SEC14L1: variants seen among roughly 807,000 people sequenced by gnomAD.
SEC14L1 encodes SEC14 like lipid binding 1.
SEC14L1 carries 48 observed loss-of-function variants against 85.3 expected under a neutral mutation model. That is an observed-to-expected ratio of 0.56 (90% CI 0.45 to 0.72). The LOEUF (loss-of-function observed/expected upper bound fraction) is 0.72. SEC14L1 is among the 30% of genes least tolerant of loss of function. The probability of loss-of-function intolerance (pLI) is 0.00; values close to 1 mark genes in which losing one functional copy is unlikely to be tolerated. For missense variants in SEC14L1, 682 were observed against 921.4 expected, an observed-to-expected ratio of 0.74 and a Z score of 3.36; for synonymous variants, 391 against 355.5, an observed-to-expected ratio of 1.10 and a Z score of -1.12.
chr17:77,091,475 C>G (rs1433904818), intron 2 of SEC14L1, among the ~76,000 whole-genome samples: 1 of 152,188 alleles, frequency 6.6e-6, no homozygotes, highest in Non-Finnish European at 1.5e-5. Context: ...GATGTGCTGT[C>G]CAGCAGCACT....
Position 77,213,255 on chromosome 17 carries a change from TGGTAGGCCAGG to T in SEC14L1, c.1864-55_1864-45del. ...GTCCCCTTGGCGCTTGTCAGGCCTG[TGGTAGGCCAGG>T]GGTCGGAAGCGAGTCGCCCTCAGCT... On this transcript the variant is annotated intron_variant, in intron 15 of 16. Coordinates refer to ENST00000436233, the MANE Select transcript of SEC14L1 (RefSeq NM_001143998.2). The surrounding 1 kb of genome is among the most constrained non-coding windows in gnomAD (Gnocchi z 7.1). 6.9e-7 allele frequency: 1 copy of T among 1,457,986 alleles called. No homozygotes were observed. The highest frequency in any genetic ancestry group is 9.3e-7 in the Non-Finnish European group (1 of 1,071,000). The allele number at this position is 1,457,986 out of a possible 1,614,324, so 90.3% of individuals were successfully genotyped here. A position where few individuals can be genotyped will look rare whatever the true frequency, so the allele number is the denominator to read the frequency against.
upstream of SEC14L1, among the ~76,000 whole-genome samples, chr17:77,139,654 C>T (rs1320455098): frequency 1.3e-5 from 2 of 151,974 alleles, no homozygotes; most frequent in Admixed American, 6.6e-5. Context: ...CCCGCCACCA[C>T]GCCCGGCTAA....
chr17:77,186,138 CG>C (rs1975255468), intron 3 of SEC14L1, among the ~76,000 whole-genome samples: 2 of 152,154 alleles, frequency 1.3e-5, no homozygotes, highest in Admixed American at 1.3e-4. Context: ...GCCACCTGTT[CG>C]TGCTCCCTCC....
chr17:77,197,881 C>T (rs62078338), intron 8 of SEC14L1, among the ~76,000 whole-genome samples: 24,454 of 152,296 alleles, frequency 0.16, 2,381 homozygotes, highest in Middle Eastern at 0.22. Flanking sequence ...GCTGGGATTA[C>T]AGGCGTGAGC....
Position 77,206,129 on chromosome 17 carries a change from A to T in SEC14L1, c.1170-100A>T. ...AATTTAAAAAAATTGATTATGATGT[A>T]TTTGGAAATAGCTATAAATGACCAA... On this transcript the variant is annotated intron_variant, in intron 11 of 16. Transcript: ENST00000436233. This position sits in a 1 kb window ranked among gnomAD's most constrained non-coding sequence, Gnocchi z 4.3. 1 of 1,171,712 alleles carries T rather than the reference A, an allele frequency of 8.5e-7. No individual in the cohort carries two copies. 72.6% of individuals were successfully genotyped at this position (1,171,712 alleles called of 1,614,324 possible).
chr17:77,171,547 T>G (rs1974523630), intron 3 of SEC14L1, among the ~76,000 whole-genome samples: 1 of 152,222 alleles, frequency 6.6e-6, no homozygotes, highest in South Asian at 2.1e-4. Flanking sequence ...AACTATAGAT[T>G]TTCTAATACT....
At chr17:77,151,759 T>A (rs931346162) in intron 3 of SEC14L1, among the ~76,000 whole-genome samples, 1 of 152,164 alleles carries the variant, frequency 6.6e-6, no homozygotes, top group Non-Finnish European at 1.5e-5. Flanking sequence ...TCCCAGCACT[T>A]TGGGAGGCCA....
chr17:77,134,560 C>A (rs1339427780), intron 3 of SEC14L1, among the ~76,000 whole-genome samples: 1 of 151,882 alleles, frequency 6.6e-6, no homozygotes, highest in Non-Finnish European at 1.5e-5. Context: ...CTACTTAAAA[C>A]AAACAAACAA....
intron 3 of SEC14L1, among the ~76,000 whole-genome samples, chr17:77,124,954 CATAAGA>C (rs1280078132): frequency 6.7e-6 from 1 of 150,244 alleles, no homozygotes; most frequent in African/African-American, 2.4e-5. Context: ...GCTGCTAGAA[CATAAGA>C]ATAAGTGGAT....
In SEC14L1 at chr17:77,158,480, A is replaced by G. The variant is rs560357094; in HGVS notation, c.63+14821A>G. Among the ~76,000 whole-genome samples the G allele has an allele frequency of 2.3e-4, 35 of 152,070 alleles. No homozygotes were observed. The South Asian group carries it at 3.5e-3, about 15-fold the overall frequency. On this transcript the variant is annotated intron_variant, in intron 3 of 16. Transcript: ENST00000436233. ...GTAACTGGGTTTTTTCACTTAGCCT[A>G]ATGTCTTCAAGGTTCACCCATGTTG...
chr17:77,092,178 C>A (rs927959607), intron 2 of SEC14L1, among the ~76,000 whole-genome samples: 2 of 152,296 alleles, frequency 1.3e-5, no homozygotes, highest in East Asian at 1.9e-4. Flanking sequence ...CAGCGTCTTC[C>A]TTCTGTCTTT....
chr17:77,170,853 G>A (rs1750038794), intron 3 of SEC14L1, among the ~76,000 whole-genome samples: 1 of 152,142 alleles, frequency 6.6e-6, no homozygotes, highest in Admixed American at 6.5e-5. Flanking sequence ...GCAGTGAATT[G>A]GGTTCTATTG....
At chr17:77,122,864 G>T (rs558595498) in intron 3 of SEC14L1, among the ~76,000 whole-genome samples, 1 of 152,236 alleles carries the variant, frequency 6.6e-6, no homozygotes, top group South Asian at 2.1e-4. Context: ...TCCATCACAG[G>T]TTGCATCCCC....
intron 5 of SEC14L1, among the ~76,000 whole-genome samples, chr17:77,192,334 T>C (rs934322815): frequency 3.9e-5 from 6 of 152,220 alleles, no homozygotes; most frequent in African/African-American, 1.4e-4. Context: ...TAACACTGAA[T>C]TCAAAGTGAT....
At chr17:77,144,431 C>T (rs991160376) in intron 3 of SEC14L1, among the ~76,000 whole-genome samples, 9 of 152,154 alleles carry the variant, frequency 5.9e-5, no homozygotes, top group African/African-American at 2.2e-4. Flanking sequence ...ACTGTTTTGA[C>T]TCCTAATACA....
At chr17:77,147,268 G>GT (rs1567893451) in intron 3 of SEC14L1, among the ~76,000 whole-genome samples, 1 of 152,018 alleles carries the variant, frequency 6.6e-6, no homozygotes, top group Non-Finnish European at 1.5e-5. Context: ...AATTGTTCAG[G>GT]TAAAAAGTGC....
chr17:77,212,106 A>G lies in SEC14L1; in HGVS notation c.1768A>G (p.Asn590Asp), dbSNP rs143077359. The change falls in exon 15 of 17, where the codon AAC (asparagine) becomes GAC (aspartate). Residue 590 changes from asparagine (N) to aspartate (D), a missense_variant. Around this residue, in one of 3 missense-constraint regions of SEC14L1, gnomAD observed 420 missense variants for 619.5 expected, o/e 0.68. Coordinates refer to ENST00000436233, the MANE Select transcript of SEC14L1 (RefSeq NM_001143998.2). The stretch of plus-strand genomic sequence containing the variant: ...CCACAGCATCACCTCTCCGGGTGGG[A>G]ACAATGTGCAGCTCATAGACAAAGT... ...GAHSITSPGG[N>D]NVQLIDKVWQ... 3.7e-6 allele frequency: 6 copies of G among 1,614,062 alleles called. No individual in the cohort carries two copies. The highest frequency in any genetic ancestry group is 5.1e-6 in the Non-Finnish European group (6 of 1,180,044).
At chr17:77,119,592 C>T (rs949936932) in intron 3 of SEC14L1, among the ~76,000 whole-genome samples, 7 of 152,140 alleles carry the variant, frequency 4.6e-5, no homozygotes, top group African/African-American at 1.4e-4. Flanking sequence ...TATCCACCTA[C>T]AGGATCAAAG....
chr17:77,094,246 G>A (rs1971586135), intron 3 of SEC14L1: 1 of 152,088 alleles, frequency 6.6e-6, no homozygotes, highest in Admixed American at 6.6e-5. Context: ...TCGAACTCCT[G>A]ACCTCAGGTG....
Sources: gnomAD v4.1 joint callset for allele counts (sites outside exome capture counted in the v4.1 genomes callset) on GRCh38, gnomAD v4.1.1 for gene constraint, gnomAD v4.1.1 regional missense constraint, Gnocchi (gnomAD v3.1) non-coding constraint, MANE v1.5 for transcripts, NCBI Gene and HGNC (gene_info 2026-07-23, HGNC 2026-07-21) for gene names.